SLC44A5: variants seen among roughly 807,000 people sequenced by gnomAD.
SLC44A5 encodes choline transporter-like protein 5.
SLC44A5 carries 57 observed loss-of-function variants against 101.8 expected under a neutral mutation model. The ratio of observed to expected loss-of-function variants is 0.56; its 90% CI spans 0.45 to 0.70. The LOEUF (loss-of-function observed/expected upper bound fraction) is 0.70, where lower values mean the gene tolerates loss of function less well. Ranked by LOEUF, SLC44A5 falls within the 30% of genes least tolerant of loss-of-function variation. The probability of loss-of-function intolerance (pLI) is 0.00; values close to 1 mark genes in which losing one functional copy is unlikely to be tolerated. For synonymous variants in SLC44A5, 281 were observed against 290.9 expected (o/e 0.97, Z 0.35); for missense variants, 737 against 853.1 (o/e 0.86, Z 1.70).
Position 75,203,184 on chromosome 1 carries a change from G to A in SLC44A5, c.*543C>T, listed in dbSNP as rs1048987874. On this transcript the variant is annotated 3_prime_UTR_variant, in exon 24 of 24. Coordinates refer to ENST00000370859, the MANE Select transcript of SLC44A5 (RefSeq NM_001130058.2). ...AGGCACTTTGTCAGAGGGCTAAGTA[G>A]TAAAGGCTGGATGATTGGCAATTTG... The A allele has an allele frequency of 1.3e-5, 2 of 152,208 alleles. No homozygotes were observed. The highest frequency in any genetic ancestry group is 4.8e-5 in the African/African-American group (2 of 41,470). 9.4% of individuals were successfully genotyped at this position (152,208 alleles called of 1,614,324 possible).
At chr1:75,607,618 G>A (rs1675399438) in intron 1 of SLC44A5, among the ~76,000 whole-genome samples, 1 of 151,980 alleles carries the variant, frequency 6.6e-6, no homozygotes, top group Non-Finnish European at 1.5e-5. Flanking sequence ...ATTCCCACAT[G>A]TCATGGGAGG....
the SLC44A5 span, among the ~76,000 whole-genome samples, chr1:75,673,182 T>C: frequency 1.3e-5 from 2 of 152,106 alleles, no homozygotes; most frequent in African/African-American, 2.4e-5. Flanking sequence ...GGATCCTGGA[T>C]GGCTTTTCTA....
At chr1:75,470,868 T>C (rs1251357499) in intron 2 of SLC44A5, among the ~76,000 whole-genome samples, 1 of 152,180 alleles carries the variant, frequency 6.6e-6, no homozygotes, top group Non-Finnish European at 1.5e-5. Context: ...GGACTTGTTC[T>C]CTAGAACAAT....
intron 7 of SLC44A5, among the ~76,000 whole-genome samples, chr1:75,245,876 C>A (rs986549602): frequency 6.6e-6 from 1 of 151,996 alleles, no homozygotes; most frequent in Non-Finnish European, 1.5e-5. Flanking sequence ...TATAATTAGC[C>A]AAAATGAAGG....
At chr1:75,535,369 C>T (rs962080785) in intron 2 of SLC44A5, among the ~76,000 whole-genome samples, 2 of 152,054 alleles carry the variant, frequency 1.3e-5, no homozygotes, top group African/African-American at 2.4e-5. Context: ...ATGCTGAATC[C>T]GCAGCTGAAG....
At chr1:75,317,253 C>A (rs956220663) in intron 4 of SLC44A5, among the ~76,000 whole-genome samples, 2 of 152,164 alleles carry the variant, frequency 1.3e-5, no homozygotes, top group African/African-American at 4.8e-5. Flanking sequence ...AAAGACGCAG[C>A]ATCAGGGCCA....
chr1:75,224,315 T>C (rs187839652), intron 13 of SLC44A5, among the ~76,000 whole-genome samples: 1 of 152,342 alleles, frequency 6.6e-6, no homozygotes, highest in African/African-American at 2.4e-5. Context: ...TGTTATTGTT[T>C]TATGTATTTA....
chr1:75,439,781 G>A (rs555137429), intron 2 of SLC44A5, among the ~76,000 whole-genome samples: 1 of 152,168 alleles, frequency 6.6e-6, no homozygotes, highest in East Asian at 1.9e-4. Context: ...TACTGGAAAA[G>A]GTAATGGCAG....
intron 1 of SLC44A5, among the ~76,000 whole-genome samples, chr1:75,600,258 T>C (rs572968503): frequency 6.6e-5 from 10 of 152,202 alleles, no homozygotes; most frequent in African/African-American, 2.2e-4. Context: ...CAGATAAAGA[T>C]GTCATTATAT....
At chr1:75,697,584 C>A in the SLC44A5 span, among the ~76,000 whole-genome samples, 1 of 152,048 alleles carries the variant, frequency 6.6e-6, no homozygotes, top group African/African-American at 2.4e-5. Context: ...CTTAGGAGTT[C>A]GAGACCAGCC....
At chr1:75,562,701 T>C (rs551626727) in intron 1 of SLC44A5, among the ~76,000 whole-genome samples, 29 of 152,196 alleles carry the variant, frequency 1.9e-4, no homozygotes, top group Admixed American at 1.6e-3. Context: ...AAAAAATATA[T>C]ATAATTTTCG....
intron 18 of SLC44A5, among the ~76,000 whole-genome samples, chr1:75,216,991 T>C (rs939078696): frequency 6.6e-6 from 1 of 152,110 alleles, no homozygotes; most frequent in African/African-American, 2.4e-5. Context: ...TTGTTGCCTA[T>C]GCTTTGGGTG....
chr1:75,594,949 G>A (rs1674553886), intron 1 of SLC44A5, among the ~76,000 whole-genome samples: 1 of 151,822 alleles, frequency 6.6e-6, no homozygotes, highest in African/African-American at 2.4e-5. Context: ...ATATAAGGCT[G>A]AAAACAAATT....
chr1:75,360,011 G>A (rs1247104759), intron 3 of SLC44A5, among the ~76,000 whole-genome samples: 1 of 152,056 alleles, frequency 6.6e-6, no homozygotes, highest in East Asian at 1.9e-4. Context: ...TTTTAATTGA[G>A]TTACTTGTTT....
At chr1:75,240,207 AT>A (rs1557564535) in intron 9 of SLC44A5, among the ~76,000 whole-genome samples, 1 of 152,082 alleles carries the variant, frequency 6.6e-6, no homozygotes, top group Non-Finnish European at 1.5e-5. Flanking sequence ...TACAGTAAAT[AT>A]TTTTTGAGAG....
chr1:75,203,943 T>TTG (rs67101220), intron 23 of SLC44A5, 110 bp from the exon 24 acceptor site: 69,632 of 379,968 alleles, frequency 0.18, 2,798 homozygotes, highest in African/African-American at 0.31. Context: ...TTTTGTTGTT[T>TTG]TTTTTTTGTT....
At chr1:75,415,255 T>C (rs758672016) in intron 2 of SLC44A5, among the ~76,000 whole-genome samples, 77 of 152,288 alleles carry the variant, frequency 5.1e-4, no homozygotes, top group Non-Finnish European at 8.7e-4. Flanking sequence ...GACTGAATCA[T>C]GGGGACAGGT....
intron 1 of SLC44A5, among the ~76,000 whole-genome samples, chr1:75,560,226 T>C (rs1241055674): frequency 6.6e-6 from 1 of 152,204 alleles, no homozygotes; most frequent in East Asian, 1.9e-4. Flanking sequence ...GAAAAACTTG[T>C]ACAAATATGT....
intron 4 of SLC44A5, among the ~76,000 whole-genome samples, chr1:75,330,168 CGTATAT>C (rs1376617499): frequency 6.6e-5 from 8 of 121,988 alleles, no homozygotes; most frequent in South Asian, 2.7e-4. Flanking sequence ...CATATATATA[CGTATAT>C]ATGCATATAT....
Sources: gnomAD v4.1 joint callset for allele counts (sites outside exome capture counted in the v4.1 genomes callset) on GRCh38, gnomAD v4.1.1 for gene constraint, MANE v1.5 for transcripts, NCBI Gene and HGNC (gene_info 2026-07-23, HGNC 2026-07-21) for gene names.